TMPRSS7: variants seen among roughly 807,000 people sequenced by gnomAD.
TMPRSS7 encodes transmembrane protease serine 7.
A neutral mutation model predicts 95.6 loss-of-function variants in TMPRSS7; 81 were observed. The ratio of observed to expected loss-of-function variants is 0.85; its 90% CI spans 0.71 to 1.02. The LOEUF is 1.02. TMPRSS7 is among the 50% of genes least tolerant of loss of function. TMPRSS7 has a pLI of 0.00. For missense variants in TMPRSS7, 945 were observed against 955.2 expected (o/e 0.99, Z 0.14); for synonymous variants, 364 against 337.8 (o/e 1.08, Z -0.85).
At chr3:112,066,124 G>C (rs1201551986) in intron 12 of TMPRSS7, among the ~76,000 whole-genome samples, 1 of 152,138 alleles carries the variant, frequency 6.6e-6, no homozygotes, top group African/African-American at 2.4e-5. Context: ...TTACTATGAT[G>C]CATTTAATTG....
intron 10 of TMPRSS7, among the ~76,000 whole-genome samples, chr3:112,058,768 G>A (rs2073464443): frequency 6.6e-6 from 1 of 152,184 alleles, no homozygotes; most frequent in South Asian, 2.1e-4. Flanking sequence ...GACCCGGGAT[G>A]TGTTTATTGC....
chr3:112,061,560 G>T (rs1245872523), intron 10 of TMPRSS7, among the ~76,000 whole-genome samples: 1 of 152,162 alleles, frequency 6.6e-6, no homozygotes, highest in African/African-American at 2.4e-5. Flanking sequence ...GAAAGCAACA[G>T]GTCAATGGTA....
At position 112,057,024 on chromosome 3, in the gene TMPRSS7, G is replaced by A; in HGVS notation, c.1204-1G>A. ...TTCTGACTTAATGTTTATTTTCACAGACTTCTCTATCAACTCTTGGCATAG... is the reference window on the plus strand; with the variant it reads ...TTCTGACTTAATGTTTATTTTCACAAACTTCTCTATCAACTCTTGGCATAG... On this transcript the variant is annotated splice_acceptor_variant, in intron 9 of 17. Transcript: ENST00000452346. LOFTEE classifies it high-confidence loss of function. 1 of 1,588,356 alleles carries A rather than the reference G, an allele frequency of 6.3e-7. No individual in the cohort carries two copies.
chr3:112,071,070 G>T (rs1159143892), intron 13 of TMPRSS7, among the ~76,000 whole-genome samples: 1 of 152,184 alleles, frequency 6.6e-6, no homozygotes, highest in East Asian at 1.9e-4. Flanking sequence ...ACATGTTTTT[G>T]CAGTGGCTGG....
intron 7 of TMPRSS7, 66 bp from the exon 8 acceptor site, chr3:112,049,778 T>G (rs1323776317): frequency 3.0e-6 from 4 of 1,355,394 alleles, no homozygotes; most frequent in Non-Finnish European, 4.0e-6. Context: ...GGAATCGTTT[T>G]GAATGGAGAC....
downstream of TMPRSS7, chr3:112,081,187 C>A: frequency 1.8e-6 from 2 of 1,134,680 alleles, no homozygotes; most frequent in Non-Finnish European, 2.4e-6. Flanking sequence ...AATCCCAGCA[C>A]GTTGGGAGGC....
chr3:112,077,330 A>T (rs948832008), intron 16 of TMPRSS7, among the ~76,000 whole-genome samples, 186 bp downstream of exon 16: 1 of 152,172 alleles, frequency 6.6e-6, no homozygotes, highest in Non-Finnish European at 1.5e-5. Context: ...CACCTGCTTT[A>T]AAAGAAGCAG....
In TMPRSS7 at chr3:112,077,093, C is replaced by T. The variant is rs757297554; in HGVS notation, c.2173C>T (p.Arg725Cys). 40 of 1,614,012 alleles carry T rather than the reference C, an allele frequency of 2.5e-5. No individual in the cohort carries two copies. Among genetic ancestry groups the T allele is most frequent in the Middle Eastern group, 3.3e-4 (2 of 6,084 alleles). Residue 725 changes from arginine (R) to cysteine (C), a missense_variant, in exon 16 of 18, where the codon CGC becomes TGC. Physicochemically the swap from Arg to Cys is radical, Grantham distance 180. Coordinates refer to ENST00000452346, the Ensembl canonical transcript of TMPRSS7. ...CATTCCTCCCACTGGTCAGAGAGTT[C>T]GCAGTGGGGAGAAGTGCTGGGTAAC...
intron 3 of TMPRSS7, among the ~76,000 whole-genome samples, chr3:112,043,291 A>T (rs922923886): frequency 2.6e-5 from 4 of 152,192 alleles, no homozygotes; most frequent in Non-Finnish European, 5.9e-5. Context: ...TCACTAGATG[A>T]TAAGAGTTGC....
At chr3:112,048,015 C>A in intron 7 of TMPRSS7, 48 bp downstream of exon 7, 1 of 1,549,700 alleles carries the variant, frequency 6.5e-7, no homozygotes, top group Non-Finnish European at 8.9e-7. Flanking sequence ...TTTTCACAAC[C>A]TCTGTTTTAC....
chr3:112,077,018 C>G, exon 16 of TMPRSS7: 1 of 1,614,210 alleles, frequency 6.2e-7, no homozygotes, highest in Non-Finnish European at 8.5e-7. Context: ...TTTGCTACAG[C>G]TCAGTATTGC....
intron 10 of TMPRSS7, 72 bp from the exon 11 acceptor site, chr3:112,061,715 A>T (rs2073507894): frequency 6.6e-7 from 1 of 1,505,862 alleles, no homozygotes; most frequent in Admixed American, 1.9e-5. Flanking sequence ...AGTATTAGAG[A>T]ATTCACCATG....
At chr3:112,045,799 A>C in exon 5 of TMPRSS7, 2 of 1,551,558 alleles carry the variant, frequency 1.3e-6, no homozygotes, top group Non-Finnish European at 8.7e-7. Flanking sequence ...TGTTTTTGTC[A>C]TGCCACGTGC....
rs866239037 is a variant in TMPRSS7 at position 112,049,237 on chromosome 3, C to T, written c.960-607C>T. 7.9e-5 allele frequency among the ~76,000 whole-genome samples: 12 copies of T among 152,306 alleles called. 1 individual carries two copies. The highest frequency in any genetic ancestry group is 6.2e-4 in the South Asian group (3 of 4,822). ...GACCTCACAAGGAGTACTTAAAACC[C>T]AGAATACTTTGTAACTGGGCCCTTG... is the stretch of plus-strand genomic sequence containing the variant. On this transcript the variant is annotated intron_variant, in intron 7 of 17. Transcript: ENST00000452346.
chr3:112,054,164 G>C (rs539268238), intron 9 of TMPRSS7, among the ~76,000 whole-genome samples: 1 of 152,266 alleles, frequency 6.6e-6, no homozygotes, highest in South Asian at 2.1e-4. Context: ...GTGGGTTCTT[G>C]GGTTGTGTAC....
chr3:112,054,781 C>T (rs2073411625), intron 9 of TMPRSS7, among the ~76,000 whole-genome samples: 1 of 108,154 alleles, frequency 9.2e-6, no homozygotes, highest in South Asian at 3.4e-4. Context: ...CGTTCTGTCG[C>T]CCACGCTGGA....
At chr3:112,042,332 C>A (rs1215220159) in intron 3 of TMPRSS7, among the ~76,000 whole-genome samples, 1 of 152,126 alleles carries the variant, frequency 6.6e-6, no homozygotes. Flanking sequence ...ATCAGATGAC[C>A]TTTAAAACAC....
chr3:112,042,088 G>C (rs1248921151), intron 3 of TMPRSS7, 38 bp downstream of exon 3: 1 of 1,521,574 alleles, frequency 6.6e-7, no homozygotes, highest in Non-Finnish European at 8.9e-7. Context: ...GGGTAGAGTG[G>C]GTTTGCGGGG....
At chr3:112,036,007 C>T (rs1039154256) in intron 1 of TMPRSS7, among the ~76,000 whole-genome samples, 14 of 152,136 alleles carry the variant, frequency 9.2e-5, no homozygotes, top group African/African-American at 3.4e-4. Context: ...CCTATAAACC[C>T]ACAACCCTAC....
Sources: gnomAD v4.1 joint callset for allele counts (sites outside exome capture counted in the v4.1 genomes callset) on GRCh38, gnomAD v4.1.1 for gene constraint, MANE v1.5 for transcripts, NCBI Gene and HGNC (gene_info 2026-07-23, HGNC 2026-07-21) for gene names.